The following PRKACB variants were observed in gnomAD, a reference collection of about 807,000 sequenced individuals.
The protein encoded by PRKACB is protein kinase cAMP-activated catalytic subunit beta.
In PRKACB, 16 loss-of-function variants were observed where a neutral mutation model predicts 51.4. The ratio of observed to expected loss-of-function variants is 0.31; its 90% CI spans 0.21 to 0.47. The LOEUF (loss-of-function observed/expected upper bound fraction) is 0.47. PRKACB is among the 20% of genes least tolerant of loss of function. The pLI, the probability that PRKACB is intolerant of heterozygous loss-of-function variation, is 1.00. For synonymous variants in PRKACB, 147 were observed against 154.4 expected (o/e 0.95, Z 0.35); for missense variants, 309 against 464.5 (o/e 0.67, Z 3.08).
intron 8 of PRKACB, among the ~76,000 whole-genome samples, chr1:84,205,899 A>G (rs1367936203): frequency 1.3e-5 from 2 of 152,134 alleles, no homozygotes; most frequent in African/African-American, 4.8e-5. Context: ...GAAAAGATTT[A>G]TGATTCCTGC....
At chr1:84,114,699 G>A (rs968804292) in intron 1 of PRKACB, among the ~76,000 whole-genome samples, 1 of 151,984 alleles carries the variant, frequency 6.6e-6, no homozygotes, top group African/African-American at 2.4e-5. Flanking sequence ...GTCCTAGTCA[G>A]CCTTCCCAGT....
At chr1:84,173,227 T>C (rs1660118483) in intron 1 of PRKACB, 1 of 715,830 alleles carries the variant, frequency 1.4e-6, no homozygotes, top group Non-Finnish European at 2.2e-6. Flanking sequence ...TATCATTCTA[T>C]TTCTATGTGC....
At chr1:84,231,867 A>T (rs1174009703) in intron 9 of PRKACB, among the ~76,000 whole-genome samples, 2 of 151,684 alleles carry the variant, frequency 1.3e-5, no homozygotes, top group African/African-American at 2.4e-5. Flanking sequence ...CTTTCAAAAA[A>T]CCAGCTCCTG....
At chr1:84,158,282 C>T (rs1359611919) in intron 1 of PRKACB, among the ~76,000 whole-genome samples, 2 of 152,114 alleles carry the variant, frequency 1.3e-5, no homozygotes, top group Non-Finnish European at 2.9e-5. Flanking sequence ...AAGTGATCCG[C>T]CCGCCTCAGC....
chr1:84,227,727 C>T (rs1321789352), intron 9 of PRKACB, among the ~76,000 whole-genome samples: 1 of 6,538 alleles, frequency 1.5e-4, no homozygotes, highest in Non-Finnish European at 5.3e-3. Flanking sequence ...ACAGCCAAAT[C>T]TTGAATTATC....
chr1:84,220,073 T>TCATGAC (rs1270468056), intron 9 of PRKACB, among the ~76,000 whole-genome samples: 1 of 152,126 alleles, frequency 6.6e-6, no homozygotes, highest in Non-Finnish European at 1.5e-5. Flanking sequence ...TTTTTCTGAT[T>TCATGAC]CATGACCATG....
intron 1 of PRKACB, among the ~76,000 whole-genome samples, chr1:84,148,065 G>A (rs1355199832): frequency 6.6e-6 from 1 of 152,088 alleles, no homozygotes; most frequent in African/African-American, 2.4e-5. Context: ...TTTTTGCTGG[G>A]CATTTAATTA....
At chr1:84,091,839 TAAAC>T in intron 1 of PRKACB, among the ~76,000 whole-genome samples, 1 of 152,110 alleles carries the variant, frequency 6.6e-6, no homozygotes, top group Non-Finnish European at 1.5e-5. Flanking sequence ...GCATGAGAAA[TAAAC>T]ACGTTAATGA....
At chr1:84,131,250 A>G (rs985071254) in intron 1 of PRKACB, among the ~76,000 whole-genome samples, 6 of 151,828 alleles carry the variant, frequency 4.0e-5, no homozygotes, top group African/African-American at 1.2e-4. Flanking sequence ...CCAGCTACTC[A>G]GGAGAATCGG....
chr1:84,223,155 T>G (rs187618199), intron 9 of PRKACB, among the ~76,000 whole-genome samples: 1 of 152,284 alleles, frequency 6.6e-6, no homozygotes, highest in Non-Finnish European at 1.5e-5. Context: ...ATTTGAATAT[T>G]TCGTTGCTTT....
intron 5 of PRKACB, among the ~76,000 whole-genome samples, chr1:84,186,620 A>T (rs1665195476): frequency 6.6e-6 from 1 of 152,120 alleles, no homozygotes; most frequent in Admixed American, 6.6e-5. Context: ...TTGTATAATC[A>T]GCTTTCACAT....
chr1:84,233,094 T>C (rs1676017230), intron 9 of PRKACB, among the ~76,000 whole-genome samples: 1 of 151,834 alleles, frequency 6.6e-6, no homozygotes, highest in Non-Finnish European at 1.5e-5. Context: ...CAGGAGCTCT[T>C]TTAGGGCAGG....
intron 1 of PRKACB, among the ~76,000 whole-genome samples, chr1:84,119,006 CTTCAAAG>C (rs756251581): frequency 4.6e-5 from 7 of 152,104 alleles, no homozygotes; most frequent in African/African-American, 7.2e-5. Flanking sequence ...TTTAAGGTAA[CTTCAAAG>C]TTCAAGTGGT....
chr1:84,141,871 G>A (rs975418805), upstream of PRKACB, among the ~76,000 whole-genome samples: 18 of 151,992 alleles, frequency 1.2e-4, no homozygotes, highest in Non-Finnish European at 8.8e-5. Flanking sequence ...AATTGGAAGC[G>A]GGGAAAACAA....
upstream of PRKACB, among the ~76,000 whole-genome samples, chr1:84,141,444 A>G (rs1653409620): frequency 2.6e-5 from 4 of 152,126 alleles, no homozygotes; most frequent in Admixed American, 2.6e-4. Context: ...TTCTATAGCA[A>G]TAGCTTCCTG....
At chr1:84,226,619 G>A (rs1454951556) in intron 9 of PRKACB, among the ~76,000 whole-genome samples, 1 of 152,060 alleles carries the variant, frequency 6.6e-6, no homozygotes, top group Non-Finnish European at 1.5e-5. Flanking sequence ...ATTTTTCAGT[G>A]ATTCCTTTGG....
intron 2 of PRKACB, among the ~76,000 whole-genome samples, chr1:84,180,406 T>C (rs1239714753): frequency 6.6e-6 from 1 of 150,884 alleles, no homozygotes; most frequent in Admixed American, 6.6e-5. Context: ...AATGGACTTT[T>C]GGCACTTGGT....
chr1:84,133,242 G>A (rs1652434006), intron 1 of PRKACB, among the ~76,000 whole-genome samples: 1 of 151,616 alleles, frequency 6.6e-6, no homozygotes, highest in African/African-American at 2.4e-5. Context: ...TTTAAAAGTT[G>A]AAAGAAAAAA....
At chr1:84,198,565 C>A (rs1668848681) in intron 7 of PRKACB, among the ~76,000 whole-genome samples, 1 of 151,924 alleles carries the variant, frequency 6.6e-6, no homozygotes, top group Non-Finnish European at 1.5e-5. Context: ...CATTATCTTT[C>A]ATAATTTAAA....
Sources: allele counts gnomAD v4.1 joint callset (sites outside exome capture counted in the v4.1 genomes callset), GRCh38; gene constraint gnomAD v4.1.1; transcripts MANE v1.5; gene names NCBI Gene and HGNC (gene_info 2026-07-23, HGNC 2026-07-21).